RGS7: variants seen among roughly 807,000 people sequenced by gnomAD.
The protein encoded by RGS7 is regulator of G protein signaling 7.
In RGS7, 27 loss-of-function variants were observed where a neutral mutation model predicts 81.1. The observed-to-expected ratio is 0.33, with a 90% CI of 0.25 to 0.46. RGS7 has a LOEUF of 0.46. Ranked by LOEUF, RGS7 falls within the 20% of genes least tolerant of loss-of-function variation. RGS7 has a pLI of 1.00. For synonymous variants in RGS7, 208 were observed against 207.7 expected (o/e 1.00, Z -0.01); for missense variants, 396 against 607.4 (o/e 0.65, Z 3.66).
chr1:241,072,835 A>C (rs1230473393), intron 3 of RGS7, among the ~76,000 whole-genome samples: 1 of 152,156 alleles, frequency 6.6e-6, no homozygotes, highest in Non-Finnish European at 1.5e-5. Context: ...TAATATAGGC[A>C]TGTATTTACA....
intron 18 of RGS7, among the ~76,000 whole-genome samples, chr1:240,795,207 A>C (rs1686820225): frequency 3.5e-5 from 2 of 57,690 alleles, no homozygotes. Flanking sequence ...AAACAAAAAA[A>C]CCCACCACCA....
intron 2 of RGS7, among the ~76,000 whole-genome samples, chr1:241,148,276 A>C (rs60503803): frequency 0.073 from 11,111 of 151,864 alleles, 1,315 homozygotes; most frequent in African/African-American, 0.25. Context: ...GTCTTGAACT[A>C]CTGACCTCAA....
At chr1:240,776,894 T>C (rs924796393) in intron 18 of RGS7, among the ~76,000 whole-genome samples, 2 of 152,230 alleles carry the variant, frequency 1.3e-5, no homozygotes, top group Admixed American at 6.5e-5. Flanking sequence ...AAAAAATCTG[T>C]TCTATTCTGA....
chr1:240,995,208 A>G (rs1350303307), intron 3 of RGS7, among the ~76,000 whole-genome samples: 1 of 152,214 alleles, frequency 6.6e-6, no homozygotes, highest in African/African-American at 2.4e-5. Flanking sequence ...GTTATGGTGT[A>G]TAATTATTTT....
At chr1:241,049,035 T>C (rs1403680376) in intron 3 of RGS7, among the ~76,000 whole-genome samples, 4 of 152,196 alleles carry the variant, frequency 2.6e-5, no homozygotes, top group Admixed American at 6.5e-5. Context: ...CTTCATCTCC[T>C]GTTTGAATAA....
chr1:241,287,767 C>T (rs1162500054), intron 2 of RGS7, among the ~76,000 whole-genome samples: 1 of 150,218 alleles, frequency 6.7e-6, no homozygotes, highest in Non-Finnish European at 1.5e-5. Flanking sequence ...ACACACACGA[C>T]AGAGGGACTT....
intron 2 of RGS7, among the ~76,000 whole-genome samples, chr1:241,341,065 G>A: frequency 6.6e-6 from 1 of 152,144 alleles, no homozygotes; most frequent in East Asian, 1.9e-4. Context: ...CTATTTTTGT[G>A]TGATCCTGAT....
intron 4 of RGS7, among the ~76,000 whole-genome samples, chr1:240,963,014 G>C (rs941024163): frequency 2.6e-5 from 4 of 152,292 alleles, no homozygotes; most frequent in African/African-American, 9.6e-5. Context: ...TTAGATCTGA[G>C]TTTTGGAAAG....
At chr1:240,777,528 G>A (rs1163990205) in intron 18 of RGS7, among the ~76,000 whole-genome samples, 1 of 152,178 alleles carries the variant, frequency 6.6e-6, no homozygotes, top group Non-Finnish European at 1.5e-5. Context: ...GGGGTCAGCG[G>A]TGATGGGAGA....
chr1:241,128,796 A>C (rs1475484086), intron 2 of RGS7, among the ~76,000 whole-genome samples: 1 of 149,540 alleles, frequency 6.7e-6, no homozygotes, highest in Admixed American at 6.6e-5. Flanking sequence ...AAAAAAAAAA[A>C]AAACTCTTCA....
rs181466396 is a variant in RGS7, at chr1:241,077,732, A to T, written c.175+20934T>A. ...ACTGGTGGCTGCTCTCTGCTAAATAAGCATGCCACTTGTTCACTGGGTAAA... is the reference window on the plus strand; with the variant it reads ...ACTGGTGGCTGCTCTCTGCTAAATATGCATGCCACTTGTTCACTGGGTAAA... On this transcript the variant is annotated intron_variant, in intron 3 of 18. Transcript: ENST00000440928. Among the ~76,000 whole-genome samples the T allele has an allele frequency of 2.6e-5, 4 of 152,316 alleles. No homozygotes were observed. In the East Asian group the frequency reaches 7.7e-4, roughly 29 times the overall value.
At chr1:240,852,907 A>G (rs146466864) in intron 9 of RGS7, among the ~76,000 whole-genome samples, 1 of 152,358 alleles carries the variant, frequency 6.6e-6, no homozygotes, top group East Asian at 1.9e-4. Context: ...GATGAAGGAA[A>G]AGACCAATTT....
chr1:240,928,026 T>C (rs887975333), intron 6 of RGS7, among the ~76,000 whole-genome samples: 2 of 152,230 alleles, frequency 1.3e-5, no homozygotes, highest in Non-Finnish European at 2.9e-5. Context: ...TTACTCTCTA[T>C]GTAGAAACAC....
chr1:241,103,438 T>C (rs1184790195), intron 2 of RGS7, among the ~76,000 whole-genome samples: 2 of 152,184 alleles, frequency 1.3e-5, no homozygotes, highest in African/African-American at 4.8e-5. Flanking sequence ...AAGTTCAAAG[T>C]AGATGATCTG....
At chr1:240,824,057 AAAAG>A (rs1458667625) in intron 10 of RGS7, among the ~76,000 whole-genome samples, 11 of 152,232 alleles carry the variant, frequency 7.2e-5, no homozygotes, top group Non-Finnish European at 1.6e-4. Context: ...ATTCTAATTA[AAAAG>A]AAAGACTTGA....
At chr1:241,354,131 C>T (rs1272410980) in intron 2 of RGS7, among the ~76,000 whole-genome samples, 1 of 152,080 alleles carries the variant, frequency 6.6e-6, no homozygotes, top group Non-Finnish European at 1.5e-5. Context: ...ACATTGTATA[C>T]ACCCATAAGA....
At position 240,868,142 on chromosome 1, in the gene RGS7, G is replaced by GAAAGAAAGAAAGAAAGAA; in HGVS notation, c.609+444_609+445insTTCTTTCTTTCTTTCTTT. Among the ~76,000 whole-genome samples the GAAAGAAAGAAAGAAAGAA allele has an allele frequency of 8.2e-6, 1 of 121,224 alleles. No individual in the cohort carries two copies. The highest frequency in any genetic ancestry group is 2.5e-4 in the South Asian group (1 of 3,980). The allele number at this position is 121,224 out of a possible 152,430, so 79.5% of individuals were successfully genotyped here. A position where few individuals can be genotyped will look rare whatever the true frequency, so the allele number is the denominator to read the frequency against. ...GGAAAGAAAGAAAGAAAGAAAGAAAGAAAGAAAGAAAGAAAGGACGGAGGG... is the reference window on the plus strand; with the variant it reads ...GGAAAGAAAGAAAGAAAGAAAGAAAGAAAGAAAGAAAGAAAGAAAAAGAAAGAAAGAAAGGACGGAGGG... On this transcript the variant is annotated intron_variant, in intron 9 of 18. Coordinates refer to ENST00000440928, the MANE Select transcript of RGS7 (RefSeq NM_001364886.1). This position sits in a 1 kb window ranked among gnomAD's most constrained non-coding sequence, Gnocchi z 5.1.
intron 6 of RGS7, among the ~76,000 whole-genome samples, chr1:240,928,099 C>T (rs939122539): frequency 2.0e-5 from 3 of 152,178 alleles, no homozygotes; most frequent in Non-Finnish European, 4.4e-5. Context: ...ATACATTACC[C>T]GTAGCTGTAA....
intron 4 of RGS7, among the ~76,000 whole-genome samples, chr1:240,947,945 A>T (rs893415241): frequency 3.3e-5 from 5 of 152,134 alleles, no homozygotes; most frequent in African/African-American, 1.2e-4. Flanking sequence ...CATACCAAGC[A>T]TGCGCAGGCC....
Sources: allele counts gnomAD v4.1 joint callset (sites outside exome capture counted in the v4.1 genomes callset), GRCh38; gene constraint gnomAD v4.1.1; non-coding constraint Gnocchi (gnomAD v3.1); transcripts MANE v1.5; gene names NCBI Gene and HGNC (gene_info 2026-07-23, HGNC 2026-07-21).